SH3GL2: variants seen among roughly 807,000 people sequenced by gnomAD.
SH3GL2 encodes the protein SH3 domain containing GRB2 like 2, endophilin A1, also known as endophilin-A1.
A neutral mutation model predicts 46.0 loss-of-function variants in SH3GL2; 24 were observed. The observed-to-expected ratio is 0.52, with a 90% CI of 0.38 to 0.73. The LOEUF is 0.73. Ranked by LOEUF, SH3GL2 falls within the 30% of genes least tolerant of loss-of-function variation. The pLI is 0.00. For synonymous variants in SH3GL2, 196 were observed against 147.1 expected (o/e 1.33, Z -2.40); for missense variants, 413 against 424.2 (o/e 0.97, Z 0.23).
intron 2 of SH3GL2, chr9:17,755,772 C>CG: frequency 1.0e-6 from 1 of 984,940 alleles, no homozygotes; most frequent in Non-Finnish European, 1.2e-6. Flanking sequence ...AACAACGCCA[C>CG]GCTGTTCACG....
intron 1 of SH3GL2, among the ~76,000 whole-genome samples, chr9:17,690,845 G>T (rs185253979): frequency 7.9e-5 from 12 of 152,244 alleles, no homozygotes; most frequent in Admixed American, 3.3e-4. Flanking sequence ...GAAGGCCAGG[G>T]AATTTGTTCA....
chr9:17,651,916 G>C (rs760343899), intron 1 of SH3GL2, among the ~76,000 whole-genome samples: 1 of 151,926 alleles, frequency 6.6e-6, no homozygotes, highest in Non-Finnish European at 1.5e-5. Flanking sequence ...GGTGTGAGTC[G>C]GGGATCTTTG....
At chr9:17,632,836 C>T (rs895425958) in intron 1 of SH3GL2, among the ~76,000 whole-genome samples, 1 of 152,164 alleles carries the variant, frequency 6.6e-6, no homozygotes, top group Non-Finnish European at 1.5e-5. Context: ...AAGATTCTGT[C>T]AGGAGCTTCT....
At chr9:17,592,292 T>C (rs2134549140) in intron 1 of SH3GL2, among the ~76,000 whole-genome samples, 2 of 152,340 alleles carry the variant, frequency 1.3e-5, no homozygotes, top group South Asian at 4.1e-4. Context: ...TCAGATCTTC[T>C]TTGCTCAGTC....
chr9:17,762,648 A>T (rs1823211913), intron 3 of SH3GL2, among the ~76,000 whole-genome samples: 1 of 152,218 alleles, frequency 6.6e-6, no homozygotes, highest in Non-Finnish European at 1.5e-5. Flanking sequence ...GGAGGAAAAT[A>T]TGGAAGAAAA....
chr9:17,611,591 C>G (rs1385156345), intron 1 of SH3GL2, among the ~76,000 whole-genome samples: 1 of 152,176 alleles, frequency 6.6e-6, no homozygotes, highest in African/African-American at 2.4e-5. Context: ...CTGAGGCTCC[C>G]TGTTACTGAG....
At chr9:17,593,841 A>T (rs772507511) in intron 1 of SH3GL2, among the ~76,000 whole-genome samples, 1 of 152,200 alleles carries the variant, frequency 6.6e-6, no homozygotes, top group Non-Finnish European at 1.5e-5. Flanking sequence ...GCACAAGATC[A>T]GTAGGAGCCC....
At chr9:17,701,668 C>G (rs996881766) in intron 1 of SH3GL2, among the ~76,000 whole-genome samples, 5 of 151,924 alleles carry the variant, frequency 3.3e-5, no homozygotes, top group African/African-American at 1.2e-4. Context: ...CGAACAGCCA[C>G]CAATTAGAAG....
In SH3GL2 at chr9:17,795,650, A is replaced by G. The variant is rs1444671962; in HGVS notation, c.966A>G (p.Gln322=). 1.2e-6 allele frequency: 2 copies of G among 1,613,946 alleles called. No individual in the cohort carries two copies. The highest frequency in any genetic ancestry group is 1.3e-5 in the African/African-American group (1 of 75,022). Residue 322 remains glutamine, a synonymous_variant, in exon 9 of 9, where the codon CAA becomes CAG. Coordinates refer to ENST00000380607, the MANE Select transcript of SH3GL2 (RefSeq NM_003026.5). ...KEGDIITLTN[Q]IDENWYEGML... is the part of the protein sequence containing the mutation. ...GCGATATCATCACACTCACTAACCAAATTGATGAGAACTGGTATGAGGGGA... is the reference window on the plus strand; with the variant it reads ...GCGATATCATCACACTCACTAACCAGATTGATGAGAACTGGTATGAGGGGA...
chr9:17,631,191 C>T (rs1210884419), intron 1 of SH3GL2, among the ~76,000 whole-genome samples: 1 of 152,186 alleles, frequency 6.6e-6, no homozygotes, highest in Non-Finnish European at 1.5e-5. Flanking sequence ...CATTTGTAGG[C>T]TTGTTTCATC....
chr9:17,580,143 T>TA (rs1431913347), intron 1 of SH3GL2, among the ~76,000 whole-genome samples: 4 of 152,228 alleles, frequency 2.6e-5, no homozygotes, highest in Non-Finnish European at 4.4e-5. Context: ...AGCGAATACT[T>TA]ACGCTGTGAC....
intron 1 of SH3GL2, among the ~76,000 whole-genome samples, chr9:17,624,569 G>A (rs191757028): frequency 4.3e-4 from 66 of 152,058 alleles, no homozygotes; most frequent in African/African-American, 1.4e-3. Context: ...CCCATTTTCC[G>A]TTGGTTCATA....
intron 1 of SH3GL2, among the ~76,000 whole-genome samples, chr9:17,683,174 G>A (rs1276183838): frequency 6.6e-6 from 1 of 152,084 alleles, no homozygotes; most frequent in Non-Finnish European, 1.5e-5. Flanking sequence ...TATGTTTTAA[G>A]TACTAAAAGC....
chr9:17,793,346 C>T lies in SH3GL2; in HGVS notation c.729-21C>T, dbSNP rs182170689. The T allele has an allele frequency of 2.8e-4, 450 of 1,601,478 alleles. 3 individuals are homozygous for T. In the African/African-American group the frequency reaches 5.4e-3, roughly 19 times the overall value. ...CTTAACTGGTTACATAACCTTTCCA[C>T]CACTTTTCTTTTTACTGCAGAATAA... is the stretch of plus-strand genomic sequence containing the variant. On this transcript the variant is annotated intron_variant, in intron 7 of 8. Coordinates refer to ENST00000380607, the MANE Select transcript of SH3GL2 (RefSeq NM_003026.5).
At chr9:17,763,703 G>C (rs557628237) in intron 3 of SH3GL2, among the ~76,000 whole-genome samples, 8 of 152,256 alleles carry the variant, frequency 5.3e-5, no homozygotes, top group African/African-American at 1.2e-4. Flanking sequence ...GACAGCTCTA[G>C]AAAACTAATC....
chr9:17,733,118 TG>T (rs1190874903), intron 1 of SH3GL2, among the ~76,000 whole-genome samples: 1 of 152,108 alleles, frequency 6.6e-6, no homozygotes, highest in Non-Finnish European at 1.5e-5. Flanking sequence ...GATTCTTTTT[TG>T]ATGGGTGGTC....
At chr9:17,664,829 A>G (rs146427939) in intron 1 of SH3GL2, among the ~76,000 whole-genome samples, 150 of 151,822 alleles carry the variant, frequency 9.9e-4, no homozygotes, top group African/African-American at 3.2e-3. Flanking sequence ...AATTCACTCA[A>G]CTGTCCTAGA....
chr9:17,754,908 A>G (rs555630105), intron 2 of SH3GL2, among the ~76,000 whole-genome samples: 6 of 152,258 alleles, frequency 3.9e-5, no homozygotes, highest in African/African-American at 1.4e-4. Flanking sequence ...GGTTTTCTGG[A>G]CATAGGATCA....
At chr9:17,786,285 C>G in intron 3 of SH3GL2, 96 bp from the exon 4 acceptor site, 1 of 1,171,354 alleles carries the variant, frequency 8.5e-7, no homozygotes, top group Non-Finnish European at 1.2e-6. Context: ...AGCTGAGCTA[C>G]TTTGTAGGCT....
Sources: gnomAD v4.1 joint callset for allele counts (sites outside exome capture counted in the v4.1 genomes callset) on GRCh38, gnomAD v4.1.1 for gene constraint, MANE v1.5 for transcripts, NCBI Gene and HGNC (gene_info 2026-07-23, HGNC 2026-07-21) for gene names.